The following VPS13B variants were observed in gnomAD, a reference collection of about 807,000 sequenced individuals.
The protein encoded by VPS13B is vacuolar protein sorting 13 homolog B.
A neutral mutation model predicts 426.4 loss-of-function variants in VPS13B; 285 were observed. The observed-to-expected ratio is 0.67, with a 90% CI of 0.61 to 0.74. The LOEUF (loss-of-function observed/expected upper bound fraction) is 0.74. Among genes scored for constraint, VPS13B ranks in the 30% least tolerant of loss-of-function variants. The pLI is 0.00. For missense variants in VPS13B, 4,537 were observed against 4,782.6 expected, an observed-to-expected ratio of 0.95 and a Z score of 1.51; for synonymous variants, 1,676 against 1,676.4, an observed-to-expected ratio of 1.00 and a Z score of 0.01.
intron 6 of VPS13B, among the ~76,000 whole-genome samples, chr8:99,111,875 G>C (rs1479914391): frequency 6.6e-6 from 1 of 151,834 alleles, no homozygotes; most frequent in East Asian, 1.9e-4. Flanking sequence ...CTTAGGTTTG[G>C]GCTCCCACTG....
At chr8:99,728,916 T>G (rs1377246298) in intron 39 of VPS13B, among the ~76,000 whole-genome samples, 13 of 152,180 alleles carry the variant, frequency 8.5e-5, no homozygotes, top group Non-Finnish European at 4.4e-5. Flanking sequence ...TCGCTATTGC[T>G]TTTTCTCTTT....
intron 19 of VPS13B, among the ~76,000 whole-genome samples, chr8:99,277,081 T>C (rs916219580): frequency 6.6e-6 from 1 of 152,096 alleles, no homozygotes; most frequent in Non-Finnish European, 1.5e-5. Context: ...AGTAAAGTGG[T>C]ATAAGAAAAA....
chr8:99,741,817 T>C (rs965699819), intron 39 of VPS13B, among the ~76,000 whole-genome samples: 26 of 152,240 alleles, frequency 1.7e-4, no homozygotes, highest in Admixed American at 5.2e-4. Context: ...TGGGACACAT[T>C]CAAAGCAGTG....
At chr8:99,582,719 A>C (rs762837384) in intron 33 of VPS13B, among the ~76,000 whole-genome samples, 12 of 151,944 alleles carry the variant, frequency 7.9e-5, no homozygotes, top group African/African-American at 2.4e-4. Context: ...GCAGTGGCGC[A>C]ATCTCGGCTC....
At chr8:99,726,381 G>C (rs1833351571) in intron 39 of VPS13B, among the ~76,000 whole-genome samples, 1 of 152,138 alleles carries the variant, frequency 6.6e-6, no homozygotes, top group Admixed American at 6.5e-5. Context: ...GAAATTTCTG[G>C]CACTGTATAT....
At chr8:99,289,032 TATGAATGAATGA>T (rs147774364) in intron 19 of VPS13B, among the ~76,000 whole-genome samples, 23 of 146,654 alleles carry the variant, frequency 1.6e-4, no homozygotes, top group East Asian at 1.0e-3. Context: ...CCCCTGCCTC[TATGAATGAATGA>T]ATGAATGAAT....
At chr8:99,131,683 A>G (rs1026998676) in intron 8 of VPS13B, among the ~76,000 whole-genome samples, 2 of 152,184 alleles carry the variant, frequency 1.3e-5, no homozygotes, top group African/African-American at 4.8e-5. Context: ...ACAATCATCT[A>G]CACTTTCAGC....
At chr8:99,499,482 G>T (rs1821111270) in intron 25 of VPS13B, among the ~76,000 whole-genome samples, 1 of 152,104 alleles carries the variant, frequency 6.6e-6, no homozygotes, top group Non-Finnish European at 1.5e-5. Context: ...CTGTTGGAAG[G>T]AGGGTTTAAT....
intron 39 of VPS13B, among the ~76,000 whole-genome samples, chr8:99,763,127 C>A (rs1811018174): frequency 9.3e-6 from 1 of 106,996 alleles, no homozygotes; most frequent in Admixed American, 1.2e-4. Context: ...CAGAGTGAGA[C>A]CTTGTCTCAA....
chr8:99,308,972 G>C (rs148262472), intron 19 of VPS13B, among the ~76,000 whole-genome samples: 1 of 152,062 alleles, frequency 6.6e-6, no homozygotes, highest in African/African-American at 2.4e-5. Context: ...GGCTGCATAC[G>C]TGTCTTCTTT....
intron 19 of VPS13B, among the ~76,000 whole-genome samples, chr8:99,342,587 A>G (rs897968411): frequency 6.6e-6 from 1 of 152,190 alleles, no homozygotes; most frequent in African/African-American, 2.4e-5. Flanking sequence ...TTTACTTTTT[A>G]AGGCTGAATA....
At chr8:99,149,117 G>T (rs926838159) in intron 14 of VPS13B, among the ~76,000 whole-genome samples, 2 of 152,138 alleles carry the variant, frequency 1.3e-5, no homozygotes, top group Admixed American at 6.5e-5. Flanking sequence ...TCAGGATGCT[G>T]GTACAGACTA....
At chr8:99,349,290 G>C (rs1220892665) in intron 19 of VPS13B, among the ~76,000 whole-genome samples, 1 of 111,128 alleles carries the variant, frequency 9.0e-6, no homozygotes, top group African/African-American at 3.6e-5. Context: ...CCGAGATTGC[G>C]CCACTGCACT....
At chr8:99,086,129 C>T (rs1845772329) in intron 3 of VPS13B, among the ~76,000 whole-genome samples, 1 of 152,158 alleles carries the variant, frequency 6.6e-6, no homozygotes, top group Non-Finnish European at 1.5e-5. Context: ...TTCACATAGT[C>T]CCATATTTCT....
intron 25 of VPS13B, among the ~76,000 whole-genome samples, chr8:99,497,299 T>A (rs1297202282): frequency 6.9e-6 from 1 of 145,044 alleles, no homozygotes; most frequent in African/African-American, 2.5e-5. Flanking sequence ...AAAATGCATA[T>A]ATACATAAAA....
intron 17 of VPS13B, among the ~76,000 whole-genome samples, chr8:99,210,258 A>G (rs1354899205): frequency 1.3e-5 from 2 of 152,182 alleles, no homozygotes; most frequent in Admixed American, 6.5e-5. Context: ...TTTCCAAGGC[A>G]GAGCAGCTAA....
At chr8:99,383,434 G>T (rs769451017) in intron 19 of VPS13B, among the ~76,000 whole-genome samples, 45 of 152,060 alleles carry the variant, frequency 3.0e-4, no homozygotes, top group Non-Finnish European at 7.4e-5. Flanking sequence ...TGCCTAAAAA[G>T]TTGAGCTTAT....
chr8:99,605,535 T>C (rs188357299), intron 33 of VPS13B, among the ~76,000 whole-genome samples: 193 of 152,374 alleles, frequency 1.3e-3, no homozygotes, highest in Non-Finnish European at 1.8e-3. Context: ...GTTTTGGCAG[T>C]CATTAATTTT....
intron 19 of VPS13B, among the ~76,000 whole-genome samples, chr8:99,330,049 T>G (rs1174839774): frequency 6.6e-6 from 1 of 151,938 alleles, no homozygotes; most frequent in Non-Finnish European, 1.5e-5. Context: ...GTATATATTT[T>G]ATTCTGTAAT....
Sources: allele counts gnomAD v4.1 joint callset (sites outside exome capture counted in the v4.1 genomes callset), GRCh38; gene constraint gnomAD v4.1.1; transcripts MANE v1.5; gene names NCBI Gene and HGNC (gene_info 2026-07-23, HGNC 2026-07-21).